GNB5: variants seen among roughly 807,000 people sequenced by gnomAD.
GNB5 encodes guanine nucleotide-binding protein subunit beta-5.
Under a neutral mutation model 55.3 loss-of-function variants are expected in GNB5, and 37 were observed. That is an observed-to-expected ratio of 0.67 (90% CI 0.51 to 0.88). The LOEUF (loss-of-function observed/expected upper bound fraction) is 0.88, where lower values mean the gene tolerates loss of function less well. Ranked by LOEUF, GNB5 falls within the 40% of genes least tolerant of loss-of-function variation. The pLI, the probability that GNB5 is intolerant of heterozygous loss-of-function variation, is 0.00. For missense variants in GNB5, 476 were observed against 515.3 expected, an observed-to-expected ratio of 0.92 and a Z score of 0.74; for synonymous variants, 219 against 198.5, an observed-to-expected ratio of 1.10 and a Z score of -0.87.
intron 8 of GNB5, among the ~76,000 whole-genome samples, chr15:52,134,835 C>T (rs1342400897): frequency 6.6e-6 from 1 of 152,136 alleles, no homozygotes; most frequent in Non-Finnish European, 1.5e-5. Flanking sequence ...GCTGGCCCAG[C>T]TCTCTGTCCT....
At chr15:52,169,495 G>A (rs1390125536) in intron 3 of GNB5, among the ~76,000 whole-genome samples, 8 of 120,790 alleles carry the variant, frequency 6.6e-5, no homozygotes, top group East Asian at 5.6e-4. Flanking sequence ...CAGAGATCAC[G>A]CCATTGCACT....
intron 6 of GNB5, 44 bp downstream of exon 6, chr15:52,147,415 A>C (rs1161287547): frequency 9.4e-7 from 1 of 1,062,676 alleles, no homozygotes; most frequent in Admixed American, 1.7e-5. Flanking sequence ...ACAGTATTCT[A>C]TGGTTAACAC....
intron 3 of GNB5, among the ~76,000 whole-genome samples, chr15:52,164,036 G>C (rs1883103222): frequency 6.6e-6 from 1 of 152,184 alleles, no homozygotes; most frequent in Admixed American, 6.5e-5. Flanking sequence ...GGGCACGGTG[G>C]CTCACACCTA....
chr15:52,169,526 G>A (rs1219812823), intron 3 of GNB5, among the ~76,000 whole-genome samples: 14 of 107,344 alleles, frequency 1.3e-4, no homozygotes, highest in Non-Finnish European at 2.1e-4. Context: ...TGACAAGAGC[G>A]AGACTCTGTC....
intron 3 of GNB5, among the ~76,000 whole-genome samples, chr15:52,163,515 ATC>A (rs1320596572): frequency 6.6e-6 from 1 of 152,168 alleles, no homozygotes. Flanking sequence ...GACAGACACT[ATC>A]TCTGCAGCTC....
chr15:52,145,468 CA>C (rs1371461345), intron 6 of GNB5, among the ~76,000 whole-genome samples: 1 of 148,696 alleles, frequency 6.7e-6, no homozygotes, highest in Non-Finnish European at 1.5e-5. Flanking sequence ...GGTAAAACCC[CA>C]TCTCTGCAAA....
intron 3 of GNB5, among the ~76,000 whole-genome samples, chr15:52,177,659 A>G (rs35712143): frequency 0.18 from 27,787 of 151,576 alleles, 2,842 homozygotes; most frequent in Admixed American, 0.27. Context: ...TCAAAAAAAA[A>G]AAAAAAAGAA....
At chr15:52,164,242 A>G (rs2034402524) in intron 3 of GNB5, among the ~76,000 whole-genome samples, 1 of 145,022 alleles carries the variant, frequency 6.9e-6, no homozygotes, top group African/African-American at 2.6e-5. Flanking sequence ...TGGGAGGCAG[A>G]GGTTGCAGTG....
chr15:52,146,736 A>ATTTTTT (rs60737688), intron 6 of GNB5, among the ~76,000 whole-genome samples: 1 of 110,918 alleles, frequency 9.0e-6, no homozygotes, highest in Non-Finnish European at 1.9e-5. Flanking sequence ...AGCTAATTAG[A>ATTTTTT]TTTTTTTTTT....
chr15:52,124,021 A>G (rs2033349400), intron 12 of GNB5, among the ~76,000 whole-genome samples: 4 of 151,752 alleles, frequency 2.6e-5, no homozygotes, highest in African/African-American at 7.3e-5. Flanking sequence ...AAAAAAAAAA[A>G]AAAAAAGGAA....
At chr15:52,146,739 T>A in intron 6 of GNB5, among the ~76,000 whole-genome samples, 1 of 106,564 alleles carries the variant, frequency 9.4e-6, no homozygotes, top group East Asian at 3.0e-4. Context: ...TAATTAGATT[T>A]TTTTTTTTTT....
intron 12 of GNB5, 132 bp downstream of exon 12, chr15:52,124,341 G>A: frequency 3.0e-6 from 2 of 661,492 alleles, no homozygotes; most frequent in Non-Finnish European, 5.2e-6. Context: ...TGGGCAGAGT[G>A]GAAATGAGAG....
intron 7 of GNB5, among the ~76,000 whole-genome samples, chr15:52,140,785 T>G (rs529166119): frequency 3.9e-5 from 6 of 152,328 alleles, no homozygotes; most frequent in Non-Finnish European, 8.8e-5. Context: ...TGCACAGCTC[T>G]GAAGCCCGAC....
chr15:52,170,925 G>A lies in GNB5; in HGVS notation c.238+8843C>T, dbSNP rs1308259092. Among the ~76,000 whole-genome samples, 3 of 147,866 alleles carry A rather than the reference G, an allele frequency of 2.0e-5. No individual in the cohort carries two copies. The East Asian group carries it at 6.0e-4, about 30-fold the overall frequency. ...GTTTGAGACCAGCCTGGACAACATG[G>A]CTAAACTATAAAAAAAAAATTAGCC... On this transcript the variant is annotated intron_variant, in intron 3 of 12. Coordinates refer to ENST00000261837, the MANE Select transcript of GNB5 (RefSeq NM_016194.4).
chr15:52,179,222 TTC>T (rs894999333), intron 3 of GNB5, among the ~76,000 whole-genome samples: 1 of 152,138 alleles, frequency 6.6e-6, no homozygotes, highest in Non-Finnish European at 1.5e-5. Context: ...TCCGTTTCCC[TTC>T]TCTCTCCGTC....
rs1188177018 is a variant in GNB5, at chr15:52,118,892, T to C, written c.*3865A>G. 9.7e-6 allele frequency: 1 copy of C among 103,248 alleles called. No individual in the cohort carries two copies. Among genetic ancestry groups the C allele is most frequent in the Non-Finnish European group, 1.9e-5 (1 of 53,148 alleles). The allele number at this position is 103,248 out of a possible 1,614,324, so 6.4% of individuals were successfully genotyped here. ...CGTAAAAAAAAAAAAAAAAAAAAAG[T>C]GTACAGAGATCCTAAGACCAAAAAG... On this transcript the variant is annotated 3_prime_UTR_variant, in exon 13 of 13. Coordinates refer to ENST00000261837, the MANE Select transcript of GNB5 (RefSeq NM_016194.4).
intron 3 of GNB5, among the ~76,000 whole-genome samples, chr15:52,176,374 T>A (rs184379505): frequency 1.4e-4 from 21 of 152,360 alleles, no homozygotes; most frequent in Non-Finnish European, 8.8e-5. Context: ...ATGGGGATGA[T>A]ACCACTTTCC....
intron 3 of GNB5, among the ~76,000 whole-genome samples, chr15:52,169,789 C>T (rs150122521): frequency 6.6e-6 from 1 of 152,038 alleles, no homozygotes; most frequent in Non-Finnish European, 1.5e-5. Context: ...GGACAAACTA[C>T]AGAAGGGAGA....
At chr15:52,156,814 G>A (rs1055732512) in intron 3 of GNB5, among the ~76,000 whole-genome samples, 1 of 152,132 alleles carries the variant, frequency 6.6e-6, no homozygotes, top group African/African-American at 2.4e-5. Context: ...CAATTATTAT[G>A]CCATTGCTTC....
Sources: gnomAD v4.1 joint callset for allele counts (sites outside exome capture counted in the v4.1 genomes callset) on GRCh38, gnomAD v4.1.1 for gene constraint, MANE v1.5 for transcripts, NCBI Gene and HGNC (gene_info 2026-07-23, HGNC 2026-07-21) for gene names.